MARK3: variants seen among roughly 807,000 people sequenced by gnomAD.
MARK3 encodes the protein MAP/microtubule affinity-regulating kinase 3.
MARK3 carries 46 observed loss-of-function variants against 90.1 expected under a neutral mutation model. The ratio of observed to expected loss-of-function variants is 0.51; its 90% CI spans 0.40 to 0.65. MARK3 has a LOEUF of 0.65. MARK3 is among the 30% of genes least tolerant of loss of function. The probability of loss-of-function intolerance (pLI) is 0.00; values close to 1 mark genes in which losing one functional copy is unlikely to be tolerated. For missense variants in MARK3, 818 were observed against 947.2 expected (o/e 0.86, Z 1.79); for synonymous variants, 321 against 332.6 (o/e 0.97, Z 0.38).
chr14:103,464,514 G>T (rs916259551), intron 7 of MARK3, among the ~76,000 whole-genome samples: 2 of 151,482 alleles, frequency 1.3e-5, no homozygotes, highest in Non-Finnish European at 1.5e-5. Flanking sequence ...TGGCCAGACT[G>T]GTCTCGAACT....
intron 1 of MARK3, among the ~76,000 whole-genome samples, chr14:103,388,495 T>C (rs2089982254): frequency 6.6e-6 from 1 of 152,228 alleles, no homozygotes; most frequent in African/African-American, 2.4e-5. Flanking sequence ...GAATGGGAGC[T>C]CTCATTCTGT....
intron 1 of MARK3, among the ~76,000 whole-genome samples, chr14:103,401,580 C>A (rs555041625): frequency 5.9e-5 from 9 of 152,106 alleles, no homozygotes; most frequent in Admixed American, 5.9e-4. Flanking sequence ...GAGCAAAACA[C>A]AGGGCTGGAG....
intron 15 of MARK3, among the ~76,000 whole-genome samples, chr14:103,495,974 C>A (rs747778223): frequency 9.2e-5 from 14 of 152,210 alleles, no homozygotes; most frequent in Non-Finnish European, 1.6e-4. Flanking sequence ...AGTCAGGAAG[C>A]CTGCACTCTG....
chr14:103,444,481 T>G (rs1267831239), intron 3 of MARK3, among the ~76,000 whole-genome samples: 1 of 152,166 alleles, frequency 6.6e-6, no homozygotes, highest in East Asian at 1.9e-4. Context: ...TAAGTTGTAT[T>G]AAGATAGTAG....
At chr14:103,421,381 G>A (rs1472190026) in intron 2 of MARK3, among the ~76,000 whole-genome samples, 3 of 152,206 alleles carry the variant, frequency 2.0e-5, no homozygotes, top group Non-Finnish European at 2.9e-5. Flanking sequence ...ATTGACTGTA[G>A]CTCCTTTTTT....
chr14:103,427,164 CT>C (rs71126020), intron 2 of MARK3, among the ~76,000 whole-genome samples: 4 of 145,202 alleles, frequency 2.8e-5, no homozygotes, highest in African/African-American at 2.5e-5. Flanking sequence ...CCCCAATTTT[CT>C]TTTTTTTTTT....
chr14:103,433,093 C>CTTTTTTTT (rs1285320294), intron 3 of MARK3, among the ~76,000 whole-genome samples: 12 of 118,032 alleles, frequency 1.0e-4, no homozygotes, highest in South Asian at 2.5e-4. Flanking sequence ...CTTTTCTTTT[C>CTTTTTTTT]TTTTTTTTTT....
chr14:103,465,974 A>T lies in MARK3; in HGVS notation c.780A>T (p.Glu260Asp). 1 of 1,612,562 alleles carries T rather than the reference A, an allele frequency of 6.2e-7. No individual in the cohort carries two copies. The highest frequency in any genetic ancestry group is 1.3e-5 in the African/African-American group (1 of 74,976). Residue 260 changes from glutamate to aspartate, a missense_variant and splice_region_variant, in exon 9 of 18, where the codon GAA (glutamate) becomes GAT (aspartate). Physicochemically the swap from Glu to Asp is conservative, Grantham distance 45 (BLOSUM62 2). Coordinates refer to ENST00000429436, the MANE Select transcript of MARK3 (RefSeq NM_001128918.3). ...CTTTCCTCTGTACCTCTCCAAAGGA[A>T]CTGAGAGAGAGAGTATTAAGAGGGA... ...SLPFDGQNLK[E>D]LRERVLRGKY...
At chr14:103,397,006 T>C (rs1023294460) in intron 1 of MARK3, among the ~76,000 whole-genome samples, 1 of 152,168 alleles carries the variant, frequency 6.6e-6, no homozygotes, top group African/African-American at 2.4e-5. Flanking sequence ...ATTGAAATAT[T>C]GGGGGGTATA....
intron 13 of MARK3, among the ~76,000 whole-genome samples, chr14:103,478,374 T>G (rs1345621567): frequency 7.5e-6 from 1 of 133,474 alleles, no homozygotes; most frequent in Non-Finnish European, 1.6e-5. Context: ...CCCCCTCCCT[T>G]CCCCCTCATT....
At chr14:103,449,923 TA>T (rs1200900089) in intron 4 of MARK3, among the ~76,000 whole-genome samples, 1 of 149,534 alleles carries the variant, frequency 6.7e-6, no homozygotes, top group Non-Finnish European at 1.5e-5. Context: ...GTATCAAGGA[TA>T]GCCTATCAAG....
intron 2 of MARK3, among the ~76,000 whole-genome samples, chr14:103,407,600 C>T (rs567674690): frequency 8.8e-6 from 1 of 113,296 alleles, no homozygotes; most frequent in Non-Finnish European, 1.6e-5. Flanking sequence ...CTAGCTCTGT[C>T]GCCAGGCTGG....
At chr14:103,395,307 A>G (rs768433862) in intron 1 of MARK3, among the ~76,000 whole-genome samples, 2 of 152,208 alleles carry the variant, frequency 1.3e-5, no homozygotes, top group Non-Finnish European at 2.9e-5. Flanking sequence ...ACTGTGGACA[A>G]ATTCACTCGG....
At position 103,503,160 on chromosome 14, in the gene MARK3, G is replaced by A; in HGVS notation, c.2195G>A (p.Arg732Gln). 6.2e-7 allele frequency: 1 copy of A among 1,614,106 alleles called. No individual in the cohort carries two copies. Among genetic ancestry groups the A allele is most frequent in the Non-Finnish European group, 8.5e-7 (1 of 1,179,960 alleles). ...TCTCTGAACGGGGTCCGGTTTAAGC[G>A]GATATCGGGGACATCCATAGCCTTC... ...RLSLNGVRFK[R>Q]ISGTSIAFKN... Residue 732 changes from arginine to glutamine, a missense_variant, in exon 18 of 18, where the codon CGG (arginine) becomes CAG (glutamine). Arg to Gln is a conservative substitution (Grantham distance 43, BLOSUM62 1). Transcript: ENST00000429436.
At chr14:103,478,223 A>T (rs1317066310) in intron 13 of MARK3, among the ~76,000 whole-genome samples, 1 of 151,316 alleles carries the variant, frequency 6.6e-6, no homozygotes, top group Non-Finnish European at 1.5e-5. Flanking sequence ...TGAACCCAGG[A>T]CGCAGAAGTT....
chr14:103,409,277 T>C (rs549913381), intron 2 of MARK3, among the ~76,000 whole-genome samples: 1 of 151,686 alleles, frequency 6.6e-6, no homozygotes, highest in Non-Finnish European at 1.5e-5. Context: ...GAGGGGAACA[T>C]CACACACCAG....
chr14:103,492,103 T>C (rs752973200), intron 15 of MARK3, 69 bp downstream of exon 15: 61 of 1,548,584 alleles, frequency 3.9e-5, no homozygotes, highest in African/African-American at 4.1e-5. Context: ...TTTTTTGTTG[T>C]GTGAAGCCAC....
intron 5 of MARK3, among the ~76,000 whole-genome samples, chr14:103,453,006 G>C (rs1328875692): frequency 1.3e-5 from 2 of 152,208 alleles, no homozygotes. Flanking sequence ...TTCTTTACCA[G>C]ATTTTAATGT....
In MARK3 at chr14:103,465,727, G is replaced by A. The variant is rs754737014; in HGVS notation, c.711G>A (p.Trp237Ter). 1 of 1,614,192 alleles carries A rather than the reference G, an allele frequency of 6.2e-7. No individual in the cohort carries two copies. Among genetic ancestry groups the A allele is most frequent in the Non-Finnish European group, 8.5e-7 (1 of 1,180,046 alleles). Reference protein sequence around the residue: ...KKYDGPEVDVWSLGVILYTLV... With the variant: ...KKYDGPEVDV ...ATGACGGGCCAGAAGTGGATGTGTG[G>A]AGTCTGGGGGTCATTTTATACACAC... The change falls in exon 8 of 18, where the codon TGG becomes TGA. Residue 237 changes from tryptophan to a stop codon, truncating the protein, a stop_gained. Coordinates refer to ENST00000429436, the MANE Select transcript of MARK3 (RefSeq NM_001128918.3). LOFTEE classifies it high-confidence loss of function.
Sources: gnomAD v4.1 joint callset for allele counts (sites outside exome capture counted in the v4.1 genomes callset) on GRCh38, gnomAD v4.1.1 for gene constraint, MANE v1.5 for transcripts, NCBI Gene and HGNC (gene_info 2026-07-23, HGNC 2026-07-21) for gene names.